PIP4P1: variants seen among roughly 807,000 people sequenced by gnomAD.
PIP4P1 encodes phosphatidylinositol-4,5-bisphosphate 4-phosphatase 1, also known as type 1 phosphatidylinositol 4,5-bisphosphate 4-phosphatase.
A neutral mutation model predicts 32.3 loss-of-function variants in PIP4P1; 14 were observed. The observed-to-expected ratio is 0.43, with a 90% CI of 0.29 to 0.68. PIP4P1 has a LOEUF of 0.68. PIP4P1 is among the 30% of genes least tolerant of loss of function. PIP4P1 has a pLI of 0.15. For synonymous variants in PIP4P1, 132 were observed against 137.9 expected (o/e 0.96, Z 0.30); for missense variants, 289 against 364.5 (o/e 0.79, Z 1.69).
rs1236311484 is a variant in PIP4P1, at chr14:20,461,426, C to G, written c.-101G>C. On this transcript the variant is annotated 5_prime_UTR_variant, in exon 1 of 7. Transcript: ENST00000250489. ...CCGCCGCCACCGCCACCGCCGCTAC[C>G]GGGTCCCCAGGGCGCCTGCGCGCCG... 2 of 1,187,612 alleles carry G rather than the reference C, an allele frequency of 1.7e-6. No individual in the cohort carries two copies. The highest frequency in any genetic ancestry group is 3.2e-5 in the East Asian group (1 of 31,244). 73.6% of individuals were successfully genotyped at this position (1,187,612 alleles called of 1,614,324 possible).
At chr14:20,460,366 C>T in intron 2 of PIP4P1, 68 bp from the exon 3 acceptor site, 1 of 1,161,384 alleles carries the variant, frequency 8.6e-7, no homozygotes, top group Non-Finnish European at 1.3e-6. Flanking sequence ...CCTCCAAAAA[C>T]ACTTTATGAG....
chr14:20,461,231 G>A lies in PIP4P1; in HGVS notation c.95C>T (p.Ala32Val). 1 of 1,260,280 alleles carries A rather than the reference G, an allele frequency of 7.9e-7. No individual in the cohort carries two copies. The highest frequency in any genetic ancestry group is 3.8e-5 in the South Asian group (1 of 26,402). The allele number at this position is 1,260,280 out of a possible 1,614,324, so 78.1% of individuals were successfully genotyped here. Residue 32 changes from alanine to valine, a missense_variant, in exon 1 of 7, where the codon GCT becomes GTT. Physicochemically the swap from Ala to Val is moderately conservative, Grantham distance 64. This residue lies in a region of PIP4P1 where 108 missense variants were observed against 101.2 expected (regional missense o/e 1.07). Transcript: ENST00000250489. ...NGLVGPGGSG[A>V]GPGGGLTPSA... Reference sequence around the variant, plus strand: ...GGGGGTCAGGCCTCCCCCGGGCCCAGCCCCACTCCCGCCGGGCCCCACTAA... The same window carrying A: ...GGGGGTCAGGCCTCCCCCGGGCCCAACCCCACTCCCGCCGGGCCCCACTAA...
rs2139314003 is a variant in PIP4P1, at chr14:20,458,614, C to T, written c.779G>A (p.Arg260Gln). The part of the protein sequence containing the change: ...VILLAVLCLG[R>Q]ALYWACMKVS... ...CTTCATACAGGCCCAATAAAGAGCCCGGCCCAAACACAGCACAGCCAACAG... is the reference window on the plus strand; with the variant it reads ...CTTCATACAGGCCCAATAAAGAGCCTGGCCCAAACACAGCACAGCCAACAG... Residue 260 changes from arginine to glutamine, a missense_variant, in exon 7 of 7, where the codon CGG (arginine) becomes CAG (glutamine). Arg to Gln is a conservative substitution (Grantham distance 43, BLOSUM62 1). This residue lies in a region of PIP4P1 where 181 missense variants were observed against 263.3 expected (regional missense o/e 0.69). Coordinates refer to ENST00000250489, the MANE Select transcript of PIP4P1 (RefSeq NM_144568.4). 6 of 1,614,148 alleles carry T rather than the reference C, an allele frequency of 3.7e-6. No homozygotes were observed. The highest frequency in any genetic ancestry group is 5.1e-6 in the Non-Finnish European group (6 of 1,180,020).
chr14:20,459,338 G>A lies in PIP4P1; in HGVS notation c.600-42C>T, dbSNP rs2139316076. On this transcript the variant is annotated intron_variant, in intron 5 of 6. Transcript: ENST00000250489. ...AGAAATGGATGCTTTCTATGGCCTT[G>A]TAGTTTTTACTCCATACATCAATTA... is the stretch of plus-strand genomic sequence containing the variant. The A allele has an allele frequency of 2.5e-6, 4 of 1,614,080 alleles. No individual in the cohort carries two copies. The East Asian group carries it at 8.9e-5, about 36-fold the overall frequency.
chr14:20,460,312 G>C lies in PIP4P1; in HGVS notation c.334-14C>G. 6.3e-7 allele frequency: 1 copy of C among 1,592,488 alleles called. No homozygotes were observed. The highest frequency in any genetic ancestry group is 8.6e-7 in the Non-Finnish European group (1 of 1,161,394). On this transcript the variant is annotated splice_polypyrimidine_tract_variant and intron_variant, in intron 2 of 6. Coordinates refer to ENST00000250489, the MANE Select transcript of PIP4P1 (RefSeq NM_144568.4). ...ATTCTTGATTGGCTAGAGAATAATA[G>C]GGTCATCAGCAAGCAAACCTCTAAT...
chr14:20,461,173 G>A lies in PIP4P1; in HGVS notation c.142+11C>T, dbSNP rs1019196288. 4.8e-6 allele frequency: 6 copies of A among 1,261,288 alleles called. No individual in the cohort carries two copies. Among genetic ancestry groups the A allele is most frequent in the Non-Finnish European group, 5.0e-6 (5 of 998,006 alleles). The allele number at this position is 1,261,288 out of a possible 1,614,324, so 78.1% of individuals were successfully genotyped here. On this transcript the variant is annotated intron_variant, in intron 1 of 6. Transcript: ENST00000250489. ...CCCGCCCCGGCTTACCCTGGGGCGGGGCATGTTTACCGGCTCCGTACGGTG... is the reference window on the plus strand; with the variant it reads ...CCCGCCCCGGCTTACCCTGGGGCGGAGCATGTTTACCGGCTCCGTACGGTG...
rs1189592827 is a variant in PIP4P1 at position 20,458,532 on chromosome 14, C to A, written c.*27G>T. ...TGTCACTGTCCCCACCAGGGAGGGG[C>A]CAGGCACAGTCTGTGGGTCATCAGG... is the stretch of plus-strand genomic sequence containing the variant. On this transcript the variant is annotated 3_prime_UTR_variant, in exon 7 of 7. Coordinates refer to ENST00000250489, the MANE Select transcript of PIP4P1 (RefSeq NM_144568.4). 1 of 1,609,870 alleles carries A rather than the reference C, an allele frequency of 6.2e-7. No individual in the cohort carries two copies. The highest frequency in any genetic ancestry group is 8.5e-7 in the Non-Finnish European group (1 of 1,177,736).
chr14:20,460,853 G>C lies in PIP4P1; in HGVS notation c.143-8C>G. ...CGGGAAACGGGGGAAATGCTGGAGA[G>C]GAAGCAAATAGAAGGGCTGGGATCA... is the stretch of plus-strand genomic sequence containing the variant. On this transcript the variant is annotated splice_polypyrimidine_tract_variant and splice_region_variant and intron_variant, in intron 1 of 6. Transcript: ENST00000250489. 6.5e-7 allele frequency: 1 copy of C among 1,541,156 alleles called. No homozygotes were observed. The highest frequency in any genetic ancestry group is 8.7e-7 in the Non-Finnish European group (1 of 1,147,960).
chr14:20,460,506 G>T, intron 2 of PIP4P1, 149 bp downstream of exon 2: 1 of 853,340 alleles, frequency 1.2e-6, no homozygotes, highest in South Asian at 1.7e-5. Context: ...AGTGGCTTCT[G>T]GGGAAATGGC....
chr14:20,458,890 C>A, intron 6 of PIP4P1, 188 bp from the exon 7 acceptor site: 1 of 693,886 alleles, frequency 1.4e-6, no homozygotes, highest in Non-Finnish European at 2.4e-6. Context: ...GTAACATACT[C>A]ATCCCATCCC....
intron 6 of PIP4P1, 147 bp from the exon 7 acceptor site, chr14:20,458,849 G>A: frequency 1.0e-6 from 1 of 983,984 alleles, no homozygotes; most frequent in Non-Finnish European, 1.5e-6. Flanking sequence ...CCTTCTTAAA[G>A]GCAGAGCTGA....
chr14:20,460,788 G>T lies in PIP4P1; in HGVS notation c.200C>A (p.Pro67His). The T allele has an allele frequency of 6.2e-7, 1 of 1,601,792 alleles. No homozygotes were observed. The highest frequency in any genetic ancestry group is 1.1e-5 in the South Asian group (1 of 89,370). Residue 67 changes from proline (P) to histidine (H), a missense_variant, in exon 2 of 7, where the codon CCC (proline) becomes CAC (histidine). Transcript: ENST00000250489. ...PAVLPGEDPP[P>H]YSPLTSPDSG... is the part of the protein sequence containing the mutation. ...GTCCGGGCTAGTTAAGGGTGAATAG[G>T]GGGGTGGGTCCTCCCCAGGCAACAC...
Position 20,458,414 on chromosome 14 carries a change from C to T in PIP4P1, c.*145G>A. 1 of 1,184,014 alleles carries T rather than the reference C, an allele frequency of 8.4e-7. No individual in the cohort carries two copies. The highest frequency in any genetic ancestry group is 1.2e-6 in the Non-Finnish European group (1 of 822,476). The allele number at this position is 1,184,014 out of a possible 1,614,324, so 73.3% of individuals were successfully genotyped here. ...TCCAAACCTAAGTGAGGGCCTGGTT[C>T]CTTCCTACCTCTCCCCAGGGAAAAG... is the stretch of plus-strand genomic sequence containing the variant. On this transcript the variant is annotated 3_prime_UTR_variant, in exon 7 of 7. Coordinates refer to ENST00000250489, the MANE Select transcript of PIP4P1 (RefSeq NM_144568.4).
At position 20,459,750 on chromosome 14, in the gene PIP4P1, G is replaced by A. The variant is rs146270743; in HGVS notation, c.441-17C>T. Reference sequence around the variant, plus strand: ...ATTCTTTTGCTATACAAAAGAAAAAGACTTGTATTTTCAAACTTGTGTTTG... The same window carrying A: ...ATTCTTTTGCTATACAAAAGAAAAAAACTTGTATTTTCAAACTTGTGTTTG... On this transcript the variant is annotated splice_polypyrimidine_tract_variant and intron_variant, in intron 3 of 6. Transcript: ENST00000250489. The A allele has an allele frequency of 1.7e-4, 265 of 1,602,576 alleles. No homozygotes were observed. In the East Asian group the frequency reaches 2.5e-3, roughly 15 times the overall value.
At chr14:20,458,810 C>A in intron 6 of PIP4P1, 108 bp from the exon 7 acceptor site, 1 of 1,416,576 alleles carries the variant, frequency 7.1e-7, no homozygotes, top group Non-Finnish European at 9.5e-7. Context: ...AGTCCTTGTT[C>A]CTTATCCACA....
At chr14:20,458,836 G>A (rs925242858) in intron 6 of PIP4P1, 134 bp from the exon 7 acceptor site, 3 of 1,158,986 alleles carry the variant, frequency 2.6e-6, no homozygotes, top group Admixed American at 2.8e-5. Context: ...CCACCCTCAG[G>A]GACCTTCTTA....
chr14:20,461,027 A>C, intron 1 of PIP4P1, 157 bp downstream of exon 1: 1 of 1,260,538 alleles, frequency 7.9e-7, no homozygotes, highest in Non-Finnish European at 1.0e-6. Flanking sequence ...GCGATTACGG[A>C]GGGAAGGAAG....
At position 20,459,422 on chromosome 14, in the gene PIP4P1, G is replaced by T; in HGVS notation, c.565C>A (p.Arg189Ser). Residue 189 changes from arginine to serine, a missense_variant, in exon 5 of 7, where the codon CGC becomes AGC. This residue lies in a region of PIP4P1 where 181 missense variants were observed against 263.3 expected (regional missense o/e 0.69). Transcript: ENST00000250489. ...CAGTGAGGACAACGTGCCAAAGTGC[G>T]GTCTGTGAACTCTGTCCACTATGGA... ...NTFLWTEFTDRTLARCPHCRK... is the reference protein window; with the variant it reads ...NTFLWTEFTDSTLARCPHCRK... The T allele has an allele frequency of 6.2e-7, 1 of 1,614,116 alleles. No individual in the cohort carries two copies. The highest frequency in any genetic ancestry group is 1.7e-5 in the Admixed American group (1 of 60,020).
intron 1 of PIP4P1, 138 bp downstream of exon 1, chr14:20,461,046 A>G (rs1248271141): frequency 7.8e-7 from 1 of 1,281,480 alleles, no homozygotes; most frequent in Non-Finnish European, 1.0e-6. Context: ...AGCCTCGCCC[A>G]GTCACAGGTG....
Sources: gnomAD v4.1 joint callset for allele counts on GRCh38, gnomAD v4.1.1 for gene constraint, gnomAD v4.1.1 regional missense constraint, MANE v1.5 for transcripts, NCBI Gene and HGNC (gene_info 2026-07-23, HGNC 2026-07-21) for gene names.